The following MORF4L1 variants were observed in gnomAD, a reference collection of about 807,000 sequenced individuals.
The protein encoded by MORF4L1 is mortality factor 4-like protein 1.
Under a neutral mutation model 52.9 loss-of-function variants are expected in MORF4L1, and 4 were observed. The observed-to-expected ratio is 0.08, with a 90% CI of 0.04 to 0.17. The LOEUF is 0.17. MORF4L1 is among the 10% of genes least tolerant of loss of function. The probability of loss-of-function intolerance (pLI) is 1.00; values close to 1 mark genes in which losing one functional copy is unlikely to be tolerated. For missense variants in MORF4L1, 214 were observed against 390.4 expected (o/e 0.55, Z 3.81); for synonymous variants, 123 against 134.8 (o/e 0.91, Z 0.61).
At chr15:78,876,482 T>G (rs766824170) in intron 1 of MORF4L1, 2 of 455,274 alleles carry the variant, frequency 4.4e-6, no homozygotes, top group South Asian at 3.1e-5. Flanking sequence ...TAGCTGTATA[T>G]TTTTTCAACA....
intron 2 of MORF4L1, among the ~76,000 whole-genome samples, chr15:78,879,791 T>A (rs1455458297): frequency 2.7e-5 from 4 of 147,636 alleles, no homozygotes; most frequent in Non-Finnish European, 5.9e-5. Flanking sequence ...AAAAAAAAAA[T>A]TATGTCCTGT....
intron 5 of MORF4L1, among the ~76,000 whole-genome samples, chr15:78,890,246 A>G (rs2056775861): frequency 7.4e-6 from 1 of 135,870 alleles, no homozygotes; most frequent in South Asian, 2.1e-4. Context: ...ACCATTTGAC[A>G]GTATATAAGT....
chr15:78,882,030 G>T (rs2056612010), intron 3 of MORF4L1, among the ~76,000 whole-genome samples: 1 of 152,192 alleles, frequency 6.6e-6, no homozygotes, highest in South Asian at 2.1e-4. Context: ...TCACGTATCA[G>T]ATGTTTTCAG....
chr15:78,895,081 A>G (rs916045294), intron 11 of MORF4L1, among the ~76,000 whole-genome samples, 177 bp downstream of exon 11: 8 of 152,226 alleles, frequency 5.3e-5, no homozygotes, highest in Admixed American at 5.2e-4. Context: ...TAGATGGTAT[A>G]TAGATGATAT....
chr15:78,887,140 A>G (rs2056720108), intron 4 of MORF4L1, 129 bp from the exon 5 acceptor site: 1 of 712,786 alleles, frequency 1.4e-6, no homozygotes, highest in Non-Finnish European at 2.4e-6. Context: ...TTGTGGAAAT[A>G]TCTCTGTCCA....
chr15:78,873,934 C>T (rs1029108373), intron 1 of MORF4L1: 2 of 152,340 alleles, frequency 1.3e-5, no homozygotes, highest in African/African-American at 4.8e-5. Flanking sequence ...AGTCCCATTG[C>T]CTCGACGTCA....
At position 78,891,469 on chromosome 15, in the gene MORF4L1, C is replaced by T. The variant is rs748722228; in HGVS notation, c.350-15C>T. The T allele has an allele frequency of 5.3e-5, 85 of 1,608,826 alleles. No homozygotes were observed. The highest frequency in any genetic ancestry group is 3.3e-4 in the Middle Eastern group (2 of 6,034). Reference sequence around the variant, plus strand: ...AAATTAGCTAAATGAGACCCCTCCCCGCCAACATTTACAGCACCTGGAAAT... The same window carrying T: ...AAATTAGCTAAATGAGACCCCTCCCTGCCAACATTTACAGCACCTGGAAAT... On this transcript the variant is annotated splice_polypyrimidine_tract_variant and intron_variant, in intron 6 of 11. Transcript: ENST00000426013.
chr15:78,881,187 G>A (rs1225771617), intron 3 of MORF4L1, among the ~76,000 whole-genome samples: 1 of 16,692 alleles, frequency 6.0e-5, no homozygotes, highest in Non-Finnish European at 1.2e-4. Flanking sequence ...TAAGAGTTAA[G>A]CCTTTTTTTT....
At chr15:78,887,201 C>A in intron 4 of MORF4L1, 68 bp from the exon 5 acceptor site, 1 of 1,335,418 alleles carries the variant, frequency 7.5e-7, no homozygotes, top group South Asian at 1.3e-5. Flanking sequence ...CTAATGGAAT[C>A]AGGCTGACAA....
intron 1 of MORF4L1, among the ~76,000 whole-genome samples, chr15:78,877,411 C>G (rs943293382): frequency 1.3e-5 from 2 of 152,138 alleles, no homozygotes; most frequent in African/African-American, 4.8e-5. Flanking sequence ...TGAGCCACCT[C>G]GCCCCGCCTG....
At chr15:78,879,099 G>A (rs997839042) in intron 2 of MORF4L1, among the ~76,000 whole-genome samples, 9 of 151,844 alleles carry the variant, frequency 5.9e-5, no homozygotes, top group African/African-American at 1.9e-4. Flanking sequence ...AGCCAAACGC[G>A]GTGGCACATG....
intron 3 of MORF4L1, among the ~76,000 whole-genome samples, chr15:78,883,277 AAAG>A (rs1196722682): frequency 2.6e-5 from 4 of 152,124 alleles, no homozygotes; most frequent in Admixed American, 6.5e-5. Context: ...GGAATAGAAT[AAAG>A]AAGATATTTT....
At chr15:78,880,304 C>T (rs1827887405) in intron 2 of MORF4L1, among the ~76,000 whole-genome samples, 2 of 152,144 alleles carry the variant, frequency 1.3e-5, no homozygotes, top group African/African-American at 4.8e-5. Context: ...TTTAAGGTGA[C>T]CTTTTATGCT....
At chr15:78,885,815 CAATA>C (rs2056692862) in intron 3 of MORF4L1, among the ~76,000 whole-genome samples, 1 of 152,090 alleles carries the variant, frequency 6.6e-6, no homozygotes, top group Non-Finnish European at 1.5e-5. Context: ...TTATTTTTGA[CAATA>C]AAAGTCTTTA....
At chr15:78,889,800 CATTT>C (rs1264526574) in intron 5 of MORF4L1, among the ~76,000 whole-genome samples, 2 of 152,084 alleles carry the variant, frequency 1.3e-5, no homozygotes, top group Non-Finnish European at 2.9e-5. Context: ...TAATTAATAA[CATTT>C]ATAAGTATTA....
At chr15:78,880,046 C>T (rs2056573420) in intron 2 of MORF4L1, among the ~76,000 whole-genome samples, 1 of 152,190 alleles carries the variant, frequency 6.6e-6, no homozygotes, top group Non-Finnish European at 1.5e-5. Flanking sequence ...TGTCTGGCTG[C>T]TTTTAAGAAA....
At chr15:78,875,136 C>G (rs576173599) in intron 1 of MORF4L1, among the ~76,000 whole-genome samples, 1 of 152,008 alleles carries the variant, frequency 6.6e-6, no homozygotes. Context: ...AGTTGGTTTC[C>G]TTTGTACTAG....
intron 10 of MORF4L1, 26 bp downstream of exon 10, chr15:78,894,256 G>A (rs1245114590): frequency 6.4e-7 from 1 of 1,558,798 alleles, no homozygotes; most frequent in Non-Finnish European, 8.7e-7. Flanking sequence ...GAAAATAATG[G>A]ATTTTACTTT....
intron 1 of MORF4L1, chr15:78,877,900 A>AAACC (rs138617145): frequency 4.8e-5 from 12 of 252,094 alleles, no homozygotes; most frequent in Admixed American, 2.2e-4. Context: ...TATATAGTTA[A>AAACC]AACCAACCAA....
Sources: gnomAD v4.1 joint callset for allele counts (sites outside exome capture counted in the v4.1 genomes callset) on GRCh38, gnomAD v4.1.1 for gene constraint, MANE v1.5 for transcripts, NCBI Gene and HGNC (gene_info 2026-07-23, HGNC 2026-07-21) for gene names.